ARHGAP10: variants seen among roughly 807,000 people sequenced by gnomAD.
ARHGAP10 encodes the protein rho GTPase-activating protein 10.
ARHGAP10 carries 87 observed loss-of-function variants against 108.6 expected under a neutral mutation model. The observed-to-expected ratio is 0.80, with a 90% CI of 0.67 to 0.96. The LOEUF is 0.96. Ranked by LOEUF, ARHGAP10 falls within the 40% of genes least tolerant of loss-of-function variation. The pLI, the probability that ARHGAP10 is intolerant of heterozygous loss-of-function variation, is 0.00. For synonymous variants in ARHGAP10, 347 were observed against 341.1 expected (o/e 1.02, Z -0.19); for missense variants, 939 against 954.5 (o/e 0.98, Z 0.21).
intron 1 of ARHGAP10, among the ~76,000 whole-genome samples, chr4:147,758,674 TTTATTA>T (rs1188193775): frequency 1.3e-5 from 2 of 151,874 alleles, no homozygotes; most frequent in African/African-American, 2.4e-5. Context: ...TTTTTTTTAA[TTTATTA>T]TTATTATTAT....
At chr4:147,900,325 A>G (rs1736188412) in intron 10 of ARHGAP10, among the ~76,000 whole-genome samples, 1 of 152,200 alleles carries the variant, frequency 6.6e-6, no homozygotes, top group African/African-American at 2.4e-5. Context: ...GAATTCTTTT[A>G]AAAAGAATTT....
At chr4:147,915,743 T>A (rs1285196893) in intron 13 of ARHGAP10, among the ~76,000 whole-genome samples, 1 of 152,190 alleles carries the variant, frequency 6.6e-6, no homozygotes, top group Non-Finnish European at 1.5e-5. Flanking sequence ...TACTGAAACT[T>A]TTGCTTTCAG....
At chr4:147,770,875 G>A (rs780581981) in intron 1 of ARHGAP10, among the ~76,000 whole-genome samples, 2 of 152,214 alleles carry the variant, frequency 1.3e-5, no homozygotes, top group Non-Finnish European at 2.9e-5. Flanking sequence ...CTGGAGGCTA[G>A]AAGTCTGAGA....
At chr4:147,780,428 G>C (rs1730484224) in intron 1 of ARHGAP10, among the ~76,000 whole-genome samples, 1 of 152,170 alleles carries the variant, frequency 6.6e-6, no homozygotes, top group African/African-American at 2.4e-5. Flanking sequence ...TACCATAGTG[G>C]AGGAGGGAGC....
rs568629087 is a variant in ARHGAP10 at position 147,923,439 on chromosome 4, A to G, written c.1228+10300A>G. ...ACATCTTTTAGTTGCTATTTTTAAA[A>G]TAGTCATTACCATTTAAAACTAAAT... On this transcript the variant is annotated intron_variant, in intron 13 of 22. Coordinates refer to ENST00000336498, the MANE Select transcript of ARHGAP10 (RefSeq NM_024605.4). Among the ~76,000 whole-genome samples the G allele has an allele frequency of 5.9e-5, 9 of 152,372 alleles. No individual in the cohort carries two copies. In the South Asian group the frequency reaches 1.7e-3, roughly 28 times the overall value.
At chr4:148,059,088 T>G (rs964065277) in intron 20 of ARHGAP10, among the ~76,000 whole-genome samples, 2 of 152,226 alleles carry the variant, frequency 1.3e-5, no homozygotes, top group Non-Finnish European at 2.9e-5. Flanking sequence ...TGAAACACTC[T>G]TGTTTCTATT....
intron 1 of ARHGAP10, among the ~76,000 whole-genome samples, chr4:147,790,185 C>T (rs1731063886): frequency 6.6e-6 from 1 of 152,004 alleles, no homozygotes; most frequent in Non-Finnish European, 1.5e-5. Flanking sequence ...ACGCCACCTT[C>T]TTGCTGTGTC....
chr4:148,066,253 T>C (rs1202429401), intron 22 of ARHGAP10, among the ~76,000 whole-genome samples: 1 of 152,192 alleles, frequency 6.6e-6, no homozygotes, highest in Non-Finnish European at 1.5e-5. Flanking sequence ...AGAAAACTTT[T>C]CCAGGAATTT....
chr4:147,799,138 G>T (rs1348512287), intron 1 of ARHGAP10, among the ~76,000 whole-genome samples: 1 of 151,658 alleles, frequency 6.6e-6, no homozygotes, highest in African/African-American at 2.4e-5. Flanking sequence ...GGGTTCAAGC[G>T]ATTCTCCTGC....
chr4:147,989,244 T>C (rs1306211659), intron 18 of ARHGAP10, among the ~76,000 whole-genome samples: 1 of 151,972 alleles, frequency 6.6e-6, no homozygotes, highest in Non-Finnish European at 1.5e-5. Flanking sequence ...AACAGGGTAA[T>C]AGAATATCAC....
intron 1 of ARHGAP10, among the ~76,000 whole-genome samples, chr4:147,784,775 T>TATATTATAAAATATATATTATA (rs1730782682): frequency 6.8e-5 from 2 of 29,464 alleles, no homozygotes; most frequent in African/African-American, 2.0e-4. Context: ...ATTATAAATA[T>TATATTATAAAATATATATTATA]AATATATTAT....
intron 1 of ARHGAP10, among the ~76,000 whole-genome samples, chr4:147,760,026 A>G (rs1315794479): frequency 6.6e-6 from 1 of 152,216 alleles, no homozygotes; most frequent in East Asian, 1.9e-4. Flanking sequence ...CTGGAATTAT[A>G]GGCATGAGAC....
intron 3 of ARHGAP10, among the ~76,000 whole-genome samples, chr4:147,839,846 G>A (rs758423643): frequency 2.0e-5 from 3 of 152,144 alleles, no homozygotes; most frequent in Admixed American, 1.3e-4. Context: ...CCTTACATCC[G>A]AATGTCTGAC....
At chr4:147,984,889 G>T (rs1358808659) in intron 18 of ARHGAP10, among the ~76,000 whole-genome samples, 1 of 152,206 alleles carries the variant, frequency 6.6e-6, no homozygotes, top group Non-Finnish European at 1.5e-5. Flanking sequence ...CAACCTGGAG[G>T]AGGGCTTCAA....
intron 10 of ARHGAP10, among the ~76,000 whole-genome samples, chr4:147,892,084 A>G (rs966278895): frequency 1.6e-4 from 24 of 152,152 alleles, no homozygotes; most frequent in African/African-American, 5.8e-4. Context: ...TTCGAATATT[A>G]TATTTGGTTT....
chr4:147,915,569 G>A (rs1736945462), intron 13 of ARHGAP10, among the ~76,000 whole-genome samples: 1 of 151,946 alleles, frequency 6.6e-6, no homozygotes, highest in South Asian at 2.1e-4. Context: ...TACATTGAAT[G>A]GCATAAATAT....
intron 4 of ARHGAP10, among the ~76,000 whole-genome samples, chr4:147,849,263 C>T (rs1319489527): frequency 3.3e-5 from 5 of 150,244 alleles, no homozygotes; most frequent in African/African-American, 1.2e-4. Flanking sequence ...AAATTCTCTA[C>T]CAGCCCCTAC....
chr4:147,986,975 G>A (rs1180960636), intron 18 of ARHGAP10, among the ~76,000 whole-genome samples: 2 of 152,154 alleles, frequency 1.3e-5, no homozygotes, highest in African/African-American at 2.4e-5. Context: ...TGTCTTCATT[G>A]TGACTGTTTA....
At chr4:147,792,760 T>C (rs1465364857) in intron 1 of ARHGAP10, among the ~76,000 whole-genome samples, 1 of 152,206 alleles carries the variant, frequency 6.6e-6, no homozygotes, top group Non-Finnish European at 1.5e-5. Flanking sequence ...GGGGATTTTT[T>C]TCTTTTGTGT....
Sources: allele counts gnomAD v4.1 joint callset (sites outside exome capture counted in the v4.1 genomes callset), GRCh38; gene constraint gnomAD v4.1.1; transcripts MANE v1.5; gene names NCBI Gene and HGNC (gene_info 2026-07-23, HGNC 2026-07-21).